The following RHOBTB2 variants were observed in gnomAD, a reference collection of about 807,000 sequenced individuals.
RHOBTB2 encodes rho-related BTB domain-containing protein 2.
Under a neutral mutation model 66.5 loss-of-function variants are expected in RHOBTB2, and 39 were observed. That is an observed-to-expected ratio of 0.59 (90% CI 0.45 to 0.77). The LOEUF (loss-of-function observed/expected upper bound fraction) is 0.77. RHOBTB2 is among the 30% of genes least tolerant of loss of function. The pLI, the probability that RHOBTB2 is intolerant of heterozygous loss-of-function variation, is 0.00. For missense variants in RHOBTB2, 755 were observed against 999.1 expected, an observed-to-expected ratio of 0.76 and a Z score of 3.29; for synonymous variants, 390 against 395.0, an observed-to-expected ratio of 0.99 and a Z score of 0.15.
At chr8:22,989,260 G>A (rs906979231) in intron 1 of RHOBTB2, among the ~76,000 whole-genome samples, 2 of 152,052 alleles carry the variant, frequency 1.3e-5, no homozygotes, top group Non-Finnish European at 2.9e-5. Flanking sequence ...CAATTCTCCT[G>A]CCTCAGCCTC....
chr8:22,990,534 G>A (rs1360690714), intron 1 of RHOBTB2, among the ~76,000 whole-genome samples: 2 of 152,188 alleles, frequency 1.3e-5, no homozygotes, highest in African/African-American at 4.8e-5. Flanking sequence ...CCACTCTAGG[G>A]AGACTCTCCC....
chr8:23,012,881 G>A (rs1811186714), intron 7 of RHOBTB2, among the ~76,000 whole-genome samples: 1 of 152,124 alleles, frequency 6.6e-6, no homozygotes, highest in Non-Finnish European at 1.5e-5. Flanking sequence ...CTGGCTCACT[G>A]CACCCTCTGC....
chr8:22,955,903 G>A, the RHOBTB2 span, among the ~76,000 whole-genome samples: 1 of 152,044 alleles, frequency 6.6e-6, no homozygotes, highest in Admixed American at 6.6e-5. Flanking sequence ...CTCTGCGCTG[G>A]GTATAGAGGA....
At chr8:23,014,434 T>C (rs1811230943) in intron 7 of RHOBTB2, among the ~76,000 whole-genome samples, 1 of 152,244 alleles carries the variant, frequency 6.6e-6, no homozygotes, top group Non-Finnish European at 1.5e-5. Flanking sequence ...TCACGGGACA[T>C]ACGTAGTTTG....
In RHOBTB2 at chr8:23,006,104, T is replaced by C. The variant is rs772449981; in HGVS notation, c.441T>C (p.Ala147=). 10 of 1,613,896 alleles carry C rather than the reference T, an allele frequency of 6.2e-6. No homozygotes were observed. Among genetic ancestry groups the C allele is most frequent in the South Asian group, 1.1e-5 (1 of 91,068 alleles). The change falls in exon 4 of 10, where the codon GCT becomes GCC. Residue 147 remains alanine, a synonymous_variant. Transcript: ENST00000251822. The surrounding 1 kb of genome is among the most constrained non-coding windows in gnomAD (Gnocchi z 6.1). ...GCTGCCAGTTGGACCTGCGCTACGCTGACCTGGAGGCTGTCAACAGGGCTA... is the reference window on the plus strand; with the variant it reads ...GCTGCCAGTTGGACCTGCGCTACGCCGACCTGGAGGCTGTCAACAGGGCTA... ...LVGCQLDLRY[A]DLEAVNRARR...
chr8:23,015,849 T>G, intron 9 of RHOBTB2, 106 bp downstream of exon 9: 1 of 823,042 alleles, frequency 1.2e-6, no homozygotes, highest in Non-Finnish European at 1.9e-6. Context: ...TCCTTGACCT[T>G]GGGGCTGGGA....
At chr8:22,965,421 G>A in the RHOBTB2 span, among the ~76,000 whole-genome samples, 62,024 of 151,460 alleles carry the variant, frequency 0.41, 13,948 homozygotes, top group East Asian at 0.6. Flanking sequence ...TGCAGAAATA[G>A]AAAAAAAATT....
chr8:22,973,592 C>G, the RHOBTB2 span, among the ~76,000 whole-genome samples: 1 of 152,280 alleles, frequency 6.6e-6, no homozygotes, highest in South Asian at 2.1e-4. Context: ...GGTCTCACTC[C>G]CAGCTGTATC....
intron 1 of RHOBTB2, among the ~76,000 whole-genome samples, chr8:22,990,175 C>T (rs181253133): frequency 2.0e-5 from 3 of 152,218 alleles, no homozygotes; most frequent in Admixed American, 1.3e-4. Context: ...GCTTAACATG[C>T]ATTTGATAAA....
rs889845080 is a variant in RHOBTB2, at chr8:23,007,865, C to T, written c.1501+119C>T. ...GCCATGCTCTTGAAGCCTGGTTTTC[C>T]CCAGCTGGGAGCGGGTTTGTTCCGT... On this transcript the variant is annotated intron_variant, in intron 5 of 9. Coordinates refer to ENST00000251822, the MANE Select transcript of RHOBTB2 (RefSeq NM_015178.3). 2.2e-5 allele frequency: 33 copies of T among 1,503,952 alleles called. No individual in the cohort carries two copies. In the African/African-American group the frequency reaches 4.6e-4, roughly 21 times the overall value. The allele number at this position is 1,503,952 out of a possible 1,614,324, so 93.2% of individuals were successfully genotyped here. A position where few individuals can be genotyped will look rare whatever the true frequency, so the allele number is the denominator to read the frequency against.
chr8:22,965,276 C>G, the RHOBTB2 span, among the ~76,000 whole-genome samples: 3 of 152,104 alleles, frequency 2.0e-5, no homozygotes, highest in African/African-American at 7.2e-5. Flanking sequence ...AGCTATCTGA[C>G]TCAAAAAGAA....
At chr8:22,966,649 G>A in the RHOBTB2 span, among the ~76,000 whole-genome samples, 5 of 151,970 alleles carry the variant, frequency 3.3e-5, no homozygotes, top group African/African-American at 1.2e-4. Context: ...GTGGTGGGGG[G>A]AACATCAACA....
chr8:22,963,741 G>T, the RHOBTB2 span, among the ~76,000 whole-genome samples: 1 of 151,584 alleles, frequency 6.6e-6, no homozygotes, highest in African/African-American at 2.4e-5. Context: ...AATGAGAGAG[G>T]TTGTGCAGGG....
At chr8:22,997,451 C>T (rs532330388), upstream of RHOBTB2, among the ~76,000 whole-genome samples, 3 of 152,156 alleles carry the variant, frequency 2.0e-5, no homozygotes, top group East Asian at 1.9e-4. Context: ...GTGAGCGGGG[C>T]GGGGCGGGGG....
At chr8:22,990,935 C>T (rs1358782955) in intron 1 of RHOBTB2, among the ~76,000 whole-genome samples, 1 of 152,142 alleles carries the variant, frequency 6.6e-6, no homozygotes, top group Non-Finnish European at 1.5e-5. Flanking sequence ...CAATTCATGC[C>T]TTGTGGAGGG....
rs1810953792 is a variant in RHOBTB2, at chr8:23,006,511, G to T, written c.483-217G>T. ...GCTGTCACGGCTTTGTACTGGGGAG[G>T]TCACTGGGGCCTGGCATAGTAGGGA... is the stretch of plus-strand genomic sequence containing the variant. On this transcript the variant is annotated intron_variant, in intron 4 of 9. Coordinates refer to ENST00000251822, the MANE Select transcript of RHOBTB2 (RefSeq NM_015178.3). This position sits in a 1 kb window ranked among gnomAD's most constrained non-coding sequence, Gnocchi z 6.1. 1.3e-5 allele frequency: 8 copies of T among 594,546 alleles called. No individual in the cohort carries two copies. In the South Asian group the frequency reaches 1.7e-4, roughly 13 times the overall value. 36.8% of individuals were successfully genotyped at this position (594,546 alleles called of 1,614,324 possible).
chr8:22,988,009 A>G (rs773912314), intron 1 of RHOBTB2, among the ~76,000 whole-genome samples: 2 of 152,094 alleles, frequency 1.3e-5, no homozygotes, highest in South Asian at 2.1e-4. Context: ...ACTGAATCCT[A>G]TCCATCCAGA....
Position 23,019,978 on chromosome 8 carries a change from GATT to G in RHOBTB2, c.*2510_*2512del. 1 of 310,430 alleles carries G rather than the reference GATT, an allele frequency of 3.2e-6. No homozygotes were observed. The allele number at this position is 310,430 out of a possible 1,614,324, so 19.2% of individuals were successfully genotyped here. A position where few individuals can be genotyped will look rare whatever the true frequency, so the allele number is the denominator to read the frequency against. On this transcript the variant is annotated 3_prime_UTR_variant, in exon 10 of 10. Transcript: ENST00000251822. ...TAGCTCTTTAAACTCTGGGGAGTCG[GATT>G]CAGGAAACACCCCCAGGAGGCCAAG...
chr8:23,017,446 T>A lies in RHOBTB2; in HGVS notation c.2161T>A (p.Ser721Thr). ...CTCGGCAGCCTCCTCCTCATCCCCA[T>A]CTTCCTCCTCGGCTGTGGTCTGAGA... ...SSSAASSSSP[S>T]SSSAVV Residue 721 changes from serine (S) to threonine (T), a missense_variant, in exon 10 of 10, where the codon TCT becomes ACT. Transcript: ENST00000251822. This position sits in a 1 kb window ranked among gnomAD's most constrained non-coding sequence, Gnocchi z 5.3. 6.3e-7 allele frequency: 1 copy of A among 1,596,814 alleles called. No homozygotes were observed. Among genetic ancestry groups the A allele is most frequent in the Non-Finnish European group, 8.5e-7 (1 of 1,171,728 alleles).
Sources: gnomAD v4.1 joint callset for allele counts (sites outside exome capture counted in the v4.1 genomes callset) on GRCh38, gnomAD v4.1.1 for gene constraint, Gnocchi (gnomAD v3.1) non-coding constraint, MANE v1.5 for transcripts, NCBI Gene and HGNC (gene_info 2026-07-23, HGNC 2026-07-21) for gene names.